Variants in PAWR observed in about 807,000 individuals in gnomAD.
PAWR encodes pro-apoptotic WT1 regulator.
PAWR carries 23 observed loss-of-function variants against 32.0 expected under a neutral mutation model. The ratio of observed to expected loss-of-function variants is 0.72; its 90% CI spans 0.52 to 1.02. The LOEUF is 1.02. Ranked by LOEUF, PAWR falls within the 50% of genes least tolerant of loss-of-function variation. PAWR has a pLI of 0.00. For missense variants in PAWR, 457 were observed against 437.7 expected, an observed-to-expected ratio of 1.04 and a Z score of -0.39; for synonymous variants, 226 against 187.1, an observed-to-expected ratio of 1.21 and a Z score of -1.70.
At chr12:79,672,122 C>T (rs1235120026) in intron 2 of PAWR, among the ~76,000 whole-genome samples, 1 of 152,120 alleles carries the variant, frequency 6.6e-6, no homozygotes, top group Non-Finnish European at 1.5e-5. Context: ...TGGCCCCTAC[C>T]TCCCACCTGG....
At chr12:79,595,373 C>A (rs1343308098) in intron 5 of PAWR, among the ~76,000 whole-genome samples, 2 of 152,212 alleles carry the variant, frequency 1.3e-5, no homozygotes, top group Non-Finnish European at 2.9e-5. Context: ...AAAGGCCTTG[C>A]CCAGAACTTG....
intron 5 of PAWR, among the ~76,000 whole-genome samples, chr12:79,595,862 TAAATAAATAA>T (rs1399542563): frequency 2.6e-5 from 4 of 151,034 alleles, no homozygotes; most frequent in Non-Finnish European, 5.9e-5. Flanking sequence ...CAAAACTAAA[TAAATAAATAA>T]AAATAAATAA....
chr12:79,591,322 G>T lies in PAWR; in HGVS notation c.*1285C>A, dbSNP rs1364187500. Reference sequence around the variant, plus strand: ...TGAACAATAAAAGGGCTTGGCAAGTGAAGGAAAAAGTCAGTAGAGTACCTA... The same window carrying T: ...TGAACAATAAAAGGGCTTGGCAAGTTAAGGAAAAAGTCAGTAGAGTACCTA... On this transcript the variant is annotated 3_prime_UTR_variant, in exon 7 of 7. Transcript: ENST00000328827. The T allele has an allele frequency of 6.6e-6, 1 of 152,128 alleles. No individual in the cohort carries two copies. The highest frequency in any genetic ancestry group is 3.2e-3 in the Middle Eastern group (1 of 316). 9.4% of individuals were successfully genotyped at this position (152,128 alleles called of 1,614,324 possible). A position where few individuals can be genotyped will look rare whatever the true frequency, so the allele number is the denominator to read the frequency against.
intron 4 of PAWR, chr12:79,604,702 T>C (rs1329953290): frequency 7.0e-6 from 9 of 1,288,370 alleles, no homozygotes; most frequent in South Asian, 1.2e-5. Flanking sequence ...CCTTGCTCTG[T>C]GTAGGGTTTA....
In PAWR at chr12:79,689,871, C is replaced by T. The variant is rs1302371481; in HGVS notation, c.374G>A (p.Arg125His). 4 of 1,565,032 alleles carry T rather than the reference C, an allele frequency of 2.6e-6. No homozygotes were observed. The African/African-American group carries it at 4.1e-5, about 16-fold the overall frequency. ...ASASAAPPPQ[R>H]DEEEPDGVPE... ...GACGCCGTCCGGCTCCTCCTCGTCA[C>T]GCTGGGGCGGCGGTGCAGCCGAGGC... Residue 125 changes from arginine to histidine, a missense_variant, in exon 2 of 7, where the codon CGT becomes CAT. Arg to His is a conservative substitution (Grantham distance 29). Coordinates refer to ENST00000328827, the MANE Select transcript of PAWR (RefSeq NM_002583.4).
At chr12:79,621,527 G>T (rs545956834) in intron 2 of PAWR, among the ~76,000 whole-genome samples, 1 of 151,370 alleles carries the variant, frequency 6.6e-6, no homozygotes, top group African/African-American at 2.4e-5. Flanking sequence ...CCTTAAACAA[G>T]GCATTCTGCA....
rs1873734744 is a variant in PAWR, at chr12:79,595,956, T to TC, written c.831+554_831+555insG. On this transcript the variant is annotated intron_variant, in intron 5 of 6. Coordinates refer to ENST00000328827, the MANE Select transcript of PAWR (RefSeq NM_002583.4). ...ATGTGACCTCAAAAAATCATAAATG[T>TC]TATAAAATAGAAACAAGTTTTAAAA... Among the ~76,000 whole-genome samples, 11 of 152,272 alleles carry TC rather than the reference T, an allele frequency of 7.2e-5. 1 individual carries two copies. The highest frequency in any genetic ancestry group is 3.9e-4 in the Admixed American group (6 of 15,298).
At chr12:79,687,779 T>C (rs947298486) in intron 2 of PAWR, among the ~76,000 whole-genome samples, 1 of 152,140 alleles carries the variant, frequency 6.6e-6, no homozygotes, top group Non-Finnish European at 1.5e-5. Flanking sequence ...TCATATATTT[T>C]ACCACTATTA....
At chr12:79,645,699 A>G (rs934723033) in intron 2 of PAWR, among the ~76,000 whole-genome samples, 2 of 152,226 alleles carry the variant, frequency 1.3e-5, no homozygotes, top group South Asian at 2.1e-4. Context: ...AAATTAATAG[A>G]GATCTTGGTA....
intron 2 of PAWR, among the ~76,000 whole-genome samples, chr12:79,666,478 T>A (rs1371075487): frequency 6.6e-6 from 1 of 152,160 alleles, no homozygotes; most frequent in Non-Finnish European, 1.5e-5. Context: ...ATCCGCAAGG[T>A]CAAACTATTT....
At chr12:79,613,964 TATATATATATATATA>T (rs1227568419) in intron 3 of PAWR, among the ~76,000 whole-genome samples, 17 of 8,648 alleles carry the variant, frequency 2.0e-3, no homozygotes, top group African/African-American at 4.9e-3. Context: ...TATATATATA[TATATATATATATATA>T]TTTTTTTTTT....
intron 2 of PAWR, among the ~76,000 whole-genome samples, chr12:79,685,970 T>TCATTTCTCTAAGTCATCTTGAA (rs1462988909): frequency 1.4e-4 from 21 of 152,340 alleles, no homozygotes; most frequent in African/African-American, 5.1e-4. Context: ...GCTCTAAGTC[T>TCATTTCTCTAAGTCATCTTGAA]TCATTTTCTC....
intron 4 of PAWR, chr12:79,603,692 T>C (rs1314949548): frequency 6.8e-6 from 1 of 148,096 alleles, no homozygotes; most frequent in Non-Finnish European, 1.5e-5. Context: ...TTTTTTTTTT[T>C]TGGAGACAGA....
intron 4 of PAWR, chr12:79,604,132 T>C (rs1874073903): frequency 1.9e-6 from 1 of 530,400 alleles, no homozygotes; most frequent in Non-Finnish European, 2.4e-6. Flanking sequence ...AAGCCAGATA[T>C]GCACAGTGCA....
chr12:79,689,504 C>A (rs1878858835), intron 2 of PAWR, among the ~76,000 whole-genome samples: 1 of 152,192 alleles, frequency 6.6e-6, no homozygotes, highest in African/African-American at 2.4e-5. Flanking sequence ...TGAGACCTGG[C>A]CAGGAAGCCT....
chr12:79,629,156 C>T (rs1592513322), intron 2 of PAWR, among the ~76,000 whole-genome samples: 1 of 152,024 alleles, frequency 6.6e-6, no homozygotes, highest in East Asian at 1.9e-4. Flanking sequence ...AACCAAACCA[C>T]TTCAATTATT....
intron 2 of PAWR, among the ~76,000 whole-genome samples, chr12:79,660,466 T>G (rs1032125676): frequency 4.6e-5 from 7 of 152,260 alleles, no homozygotes; most frequent in Middle Eastern, 3.4e-3. Context: ...CACTAAAGTT[T>G]GAGAACCACT....
chr12:79,615,124 T>A (rs931409818), intron 3 of PAWR, among the ~76,000 whole-genome samples: 6 of 152,172 alleles, frequency 3.9e-5, no homozygotes, highest in Non-Finnish European at 8.8e-5. Flanking sequence ...TGCATGGAAT[T>A]TGAGTAAGTC....
chr12:79,627,385 C>T (rs1182440992), intron 2 of PAWR, among the ~76,000 whole-genome samples: 5 of 152,130 alleles, frequency 3.3e-5, no homozygotes, highest in African/African-American at 1.2e-4. Flanking sequence ...GCATAAATGT[C>T]CTCTTTTGAG....
Sources: gnomAD v4.1 joint callset for allele counts (sites outside exome capture counted in the v4.1 genomes callset) on GRCh38, gnomAD v4.1.1 for gene constraint, MANE v1.5 for transcripts, NCBI Gene and HGNC (gene_info 2026-07-23, HGNC 2026-07-21) for gene names.